The following R3HDM1 variants were observed in gnomAD, a reference collection of about 807,000 sequenced individuals.
The protein encoded by R3HDM1 is R3H domain containing 1.
Under a neutral mutation model 141.1 loss-of-function variants are expected in R3HDM1, and 46 were observed. The ratio of observed to expected loss-of-function variants is 0.33; its 90% CI spans 0.26 to 0.42. The LOEUF (loss-of-function observed/expected upper bound fraction) is 0.42, where lower values mean the gene tolerates loss of function less well. Ranked by LOEUF, R3HDM1 falls within the 10% of genes least tolerant of loss-of-function variation. The pLI is 1.00. For synonymous variants in R3HDM1, 435 were observed against 472.9 expected (o/e 0.92, Z 1.04); for missense variants, 1,184 against 1,368.3 (o/e 0.87, Z 2.12).
chr2:135,543,541 A>G (rs1698068855), intron 1 of R3HDM1, among the ~76,000 whole-genome samples: 1 of 152,028 alleles, frequency 6.6e-6, no homozygotes, highest in African/African-American at 2.4e-5. Context: ...GGATTGTGTC[A>G]AATATGTAAG....
At chr2:135,715,834 G>A (rs1222359017) in intron 24 of R3HDM1, 140 bp downstream of exon 24, 1 of 1,008,154 alleles carries the variant, frequency 9.9e-7, no homozygotes, top group Non-Finnish European at 1.4e-6. Flanking sequence ...ATGTCTATTT[G>A]TGACCATATA....
In R3HDM1 at chr2:135,617,935, T is replaced by C. The variant is rs1350406893; in HGVS notation, c.303+1178T>C. On this transcript the variant is annotated intron_variant, in intron 5 of 26. Transcript: ENST00000683871. ...CATTTGGTGATTCAAACTAAAATTG[T>C]TAAACTTTCCCTTGATTTACATGAT... 2.0e-5 allele frequency among the ~76,000 whole-genome samples: 3 copies of C among 152,244 alleles called. No individual in the cohort carries two copies. In the East Asian group the frequency reaches 5.8e-4, roughly 29 times the overall value.
At chr2:135,663,441 T>C (rs1162525567) in intron 19 of R3HDM1, among the ~76,000 whole-genome samples, 3 of 152,030 alleles carry the variant, frequency 2.0e-5, no homozygotes, top group African/African-American at 7.3e-5. Context: ...TTCAGCTGTT[T>C]TATATAGTAT....
chr2:135,603,118 A>G (rs1574254338), intron 2 of R3HDM1, among the ~76,000 whole-genome samples: 1 of 152,078 alleles, frequency 6.6e-6, no homozygotes, highest in East Asian at 1.9e-4. Context: ...AGTAGCTGGG[A>G]CTACAGGCTT....
intron 4 of R3HDM1, 32 bp downstream of exon 4, chr2:135,616,225 C>G (rs2105157830): frequency 6.3e-7 from 1 of 1,580,288 alleles, no homozygotes; most frequent in Middle Eastern, 1.7e-4. Flanking sequence ...GCTGGCATGC[C>G]AAGGGCCTTC....
At chr2:135,617,044 T>C (rs959647907) in intron 5 of R3HDM1, among the ~76,000 whole-genome samples, 3 of 152,050 alleles carry the variant, frequency 2.0e-5, no homozygotes, top group Non-Finnish European at 4.4e-5. Flanking sequence ...AAAATGTTGG[T>C]CGGGTGCAGT....
At chr2:135,688,825 A>G (rs2071832484) in intron 21 of R3HDM1, among the ~76,000 whole-genome samples, 1 of 152,090 alleles carries the variant, frequency 6.6e-6, no homozygotes, top group Non-Finnish European at 1.5e-5. Context: ...AATCCCAGCT[A>G]CTCAAGAGGC....
At chr2:135,532,720 T>G (rs1695185235) in intron 1 of R3HDM1, among the ~76,000 whole-genome samples, 1 of 152,204 alleles carries the variant, frequency 6.6e-6, no homozygotes, top group Non-Finnish European at 1.5e-5. Flanking sequence ...AAACAAGATC[T>G]TCTAAGTAAT....
At chr2:135,641,039 A>C (rs563816549) in intron 14 of R3HDM1, among the ~76,000 whole-genome samples, 4 of 152,356 alleles carry the variant, frequency 2.6e-5, no homozygotes, top group East Asian at 3.9e-4. Context: ...AGATTCTGCA[A>C]TTAAATTTGA....
intron 5 of R3HDM1, chr2:135,620,686 G>A (rs1449045035): frequency 1.1e-5 from 10 of 947,786 alleles, no homozygotes; most frequent in Admixed American, 6.2e-5. Context: ...TAAAACTGGT[G>A]TAGAATTTAT....
chr2:135,709,290 T>A, intron 21 of R3HDM1, 143 bp from the exon 22 acceptor site: 1 of 1,079,042 alleles, frequency 9.3e-7, no homozygotes, highest in East Asian at 3.0e-5. Flanking sequence ...AGCCAGGATG[T>A]TCTCGATCTC....
chr2:135,673,025 T>G (rs920081658), intron 19 of R3HDM1, among the ~76,000 whole-genome samples: 1 of 152,212 alleles, frequency 6.6e-6, no homozygotes, highest in Non-Finnish European at 1.5e-5. Flanking sequence ...GAGAATCGCT[T>G]GAACCCAGTA....
chr2:135,713,754 G>A (rs991944858), intron 23 of R3HDM1, among the ~76,000 whole-genome samples: 1 of 152,144 alleles, frequency 6.6e-6, no homozygotes, highest in African/African-American at 2.4e-5. Flanking sequence ...TGCAGGGAAA[G>A]TACCAGATGG....
At chr2:135,672,531 A>G (rs1179182134) in intron 19 of R3HDM1, among the ~76,000 whole-genome samples, 1 of 152,000 alleles carries the variant, frequency 6.6e-6, no homozygotes, top group African/African-American at 2.4e-5. Flanking sequence ...ATAAGACTCT[A>G]TTTATACTGC....
chr2:135,691,130 T>C (rs2105379718), intron 21 of R3HDM1, among the ~76,000 whole-genome samples: 1 of 152,302 alleles, frequency 6.6e-6, no homozygotes, highest in South Asian at 2.1e-4. Flanking sequence ...TGTAGAAAAT[T>C]TGAAAATATT....
chr2:135,626,417 A>G (rs993289156), intron 7 of R3HDM1, among the ~76,000 whole-genome samples: 12 of 152,220 alleles, frequency 7.9e-5, no homozygotes, highest in African/African-American at 2.4e-4. Flanking sequence ...TATTTTAACA[A>G]GTCATTTCAT....
At chr2:135,674,834 C>T (rs1252930020) in intron 19 of R3HDM1, among the ~76,000 whole-genome samples, 1 of 151,436 alleles carries the variant, frequency 6.6e-6, no homozygotes, top group African/African-American at 2.4e-5. Context: ...TTTTTAATCC[C>T]CAGCAGGGAC....
chr2:135,662,859 C>T (rs1245869602), intron 19 of R3HDM1, among the ~76,000 whole-genome samples: 4 of 151,660 alleles, frequency 2.6e-5, no homozygotes, highest in Non-Finnish European at 4.4e-5. Flanking sequence ...TTTTTTCTTC[C>T]AAAATTATAA....
chr2:135,623,896 C>T (rs1574450459), intron 7 of R3HDM1, among the ~76,000 whole-genome samples: 1 of 152,116 alleles, frequency 6.6e-6, no homozygotes, highest in Admixed American at 6.5e-5. Flanking sequence ...AGGGCCACAA[C>T]CTCTGAAAGG....
Sources: gnomAD v4.1 joint callset for allele counts (sites outside exome capture counted in the v4.1 genomes callset) on GRCh38, gnomAD v4.1.1 for gene constraint, MANE v1.5 for transcripts, NCBI Gene and HGNC (gene_info 2026-07-23, HGNC 2026-07-21) for gene names.